DOCK11: variants seen among roughly 807,000 people sequenced by gnomAD.
The protein encoded by DOCK11 is dedicator of cytokinesis protein 11.
Under a neutral mutation model 169.1 loss-of-function variants are expected in DOCK11, and 70 were observed. That is an observed-to-expected ratio of 0.41 (90% CI 0.34 to 0.51). The LOEUF (loss-of-function observed/expected upper bound fraction) is 0.51. DOCK11 is among the 20% of genes least tolerant of loss of function. DOCK11 has a pLI of 0.10. For missense variants in DOCK11, 1,166 were observed against 1,538.8 expected (o/e 0.76, Z 4.05); for synonymous variants, 529 against 541.3 (o/e 0.98, Z 0.32).
chrX:118,507,283 G>A (rs1001240990), intron 1 of DOCK11, among the ~76,000 whole-genome samples: 4 of 112,135 alleles, frequency 3.6e-5, no homozygotes, highest in African/African-American at 1.3e-4. Flanking sequence ...GTCAAGTGTT[G>A]CTTCCAAGTC....
At chrX:118,554,532 AG>A (rs1329293513) in intron 6 of DOCK11, among the ~76,000 whole-genome samples, 2 of 111,488 alleles carry the variant, frequency 1.8e-5, no homozygotes, top group Non-Finnish European at 1.9e-5. Flanking sequence ...CCTGGGCAAC[AG>A]AGTGAGACTC....
At position 118,643,612 on chromosome X, in the gene DOCK11, G is replaced by T; in HGVS notation, c.4398+18G>T. ...TCAGTAAGGTAAGGACAGAAGCTTGGGAGCAGCCGGTGGGCTCTCTTCATT... is the reference window on the plus strand; with the variant it reads ...TCAGTAAGGTAAGGACAGAAGCTTGTGAGCAGCCGGTGGGCTCTCTTCATT... On this transcript the variant is annotated intron_variant, in intron 40 of 52. Coordinates refer to ENST00000276202, the MANE Select transcript of DOCK11 (RefSeq NM_144658.4). 8.3e-7 allele frequency: 1 copy of T among 1,206,484 alleles called. No individual in the cohort carries two copies. Among genetic ancestry groups the T allele is most frequent in the South Asian group, 1.8e-5 (1 of 56,066 alleles).
intron 10 of DOCK11, among the ~76,000 whole-genome samples, chrX:118,568,681 G>T (rs1026704745): frequency 9.2e-6 from 1 of 109,232 alleles, no homozygotes; most frequent in African/African-American, 3.3e-5. Context: ...GTGCAGGAAG[G>T]TGCAGGTTTA....
At chrX:118,620,481 T>G (rs2014944796) in intron 31 of DOCK11, among the ~76,000 whole-genome samples, 1 of 111,936 alleles carries the variant, frequency 8.9e-6, no homozygotes, top group African/African-American at 3.2e-5. Flanking sequence ...CTTGCTAGTT[T>G]TCTTCATGTG....
At chrX:118,509,860 G>T (rs753662441) in intron 1 of DOCK11, among the ~76,000 whole-genome samples, 2 of 112,108 alleles carry the variant, frequency 1.8e-5, no homozygotes, top group East Asian at 5.6e-4. Context: ...TCTAGAGGAT[G>T]CCCACATTCC....
At chrX:118,639,620 A>C in intron 38 of DOCK11, 43 bp downstream of exon 38, 1 of 1,162,701 alleles carries the variant, frequency 8.6e-7, no homozygotes, top group Non-Finnish European at 1.2e-6. Context: ...ACCTTAAAGA[A>C]GTCCTGGTTT....
rs752394701 is a variant in DOCK11, at chrX:118,589,957, G to A, written c.2047-253G>A. Among the ~76,000 whole-genome samples, 37 of 112,521 alleles carry A rather than the reference G, an allele frequency of 3.3e-4. No homozygotes were observed. The East Asian group carries it at 3.6e-3, about 11-fold the overall frequency. ...GAGTAGGCCTGTTCAGCTCCTTACT[G>A]TCAACTAGTTTGAGATCGTGTTTCT... On this transcript the variant is annotated intron_variant, in intron 18 of 52. Coordinates refer to ENST00000276202, the MANE Select transcript of DOCK11 (RefSeq NM_144658.4).
At chrX:118,633,980 G>A (rs2015318307) in intron 35 of DOCK11, 1 of 112,519 alleles carries the variant, frequency 8.9e-6, no homozygotes, top group Non-Finnish European at 1.9e-5. Context: ...AAGCCTGTAT[G>A]TTTCTGTCAT....
At chrX:118,496,146 G>C in intron 1 of DOCK11, 73 bp downstream of exon 1, 1 of 743,500 alleles carries the variant, frequency 1.3e-6, no homozygotes, top group South Asian at 5.9e-5. Context: ...GGGCAGGAAC[G>C]GCGCCAGTGC....
At chrX:118,555,526 C>A (rs1340783631) in intron 6 of DOCK11, among the ~76,000 whole-genome samples, 1 of 107,860 alleles carries the variant, frequency 9.3e-6, no homozygotes, top group African/African-American at 3.4e-5. Context: ...CACTGCACTC[C>A]ACCCTGGGCG....
intron 11 of DOCK11, among the ~76,000 whole-genome samples, chrX:118,573,517 T>A (rs2013345273): frequency 8.9e-6 from 1 of 112,627 alleles, no homozygotes; most frequent in Admixed American, 9.4e-5. Context: ...CATAGAACAA[T>A]TTGTGTTATT....
Position 118,641,303 on chromosome X carries a change from A to C in DOCK11, c.4258A>C (p.Lys1420Gln). The change falls in exon 39 of 53, where the codon AAG (lysine) becomes CAG (glutamine). Residue 1420 changes from lysine (K) to glutamine (Q), a missense_variant and splice_region_variant. Lys to Gln is a moderately conservative substitution (Grantham distance 53). Coordinates refer to ENST00000276202, the MANE Select transcript of DOCK11 (RefSeq NM_144658.4). ...DTISFFTQCF[K>Q]TQLLNNDGHN... ...CATATCATTTTTCACTCAGTGCTTC[A>C]AGGTAAAAATGAAGAGTTATAATTC... 1 of 1,164,140 alleles carries C rather than the reference A, an allele frequency of 8.6e-7. No individual in the cohort carries two copies. Among genetic ancestry groups the C allele is most frequent in the East Asian group, 3.0e-5 (1 of 33,626 alleles).
chrX:118,584,908 G>GT, intron 15 of DOCK11, 51 bp downstream of exon 15: 2 of 1,164,355 alleles, frequency 1.7e-6, no homozygotes, highest in Non-Finnish European at 2.3e-6. Flanking sequence ...TGAATCCTCA[G>GT]TTTTTTAAAA....
At chrX:118,574,557 C>G (rs1230720513) in intron 12 of DOCK11, among the ~76,000 whole-genome samples, 1 of 111,692 alleles carries the variant, frequency 9.0e-6, no homozygotes, top group Non-Finnish European at 1.9e-5. Context: ...GGCAACAGAG[C>G]AAGACTCCGT....
At chrX:118,616,555 T>G (rs1410494100) in intron 30 of DOCK11, among the ~76,000 whole-genome samples, 1 of 111,089 alleles carries the variant, frequency 9.0e-6, no homozygotes, top group Non-Finnish European at 1.9e-5. Context: ...TTTTTGTTTT[T>G]TTTTTGTGTG....
Position 118,605,551 on chromosome X carries a change from T to C in DOCK11, c.2681+195T>C, listed in dbSNP as rs145365799. On this transcript the variant is annotated intron_variant, in intron 24 of 52. Coordinates refer to ENST00000276202, the MANE Select transcript of DOCK11 (RefSeq NM_144658.4). ...CCTTTTCTTTTTTGACTCAGGAACA[T>C]GTTTAATTTCCACCTATTTTGAATT... is the stretch of plus-strand genomic sequence containing the variant. Among the ~76,000 whole-genome samples the C allele has an allele frequency of 2.8e-4, 31 of 112,522 alleles. 1 individual carries two copies. The highest frequency in any genetic ancestry group is 9.4e-4 in the African/African-American group (29 of 30,944).
chrX:118,639,409 G>A, intron 37 of DOCK11, 26 bp from the exon 38 acceptor site: 2 of 1,204,340 alleles, frequency 1.7e-6, no homozygotes, highest in South Asian at 3.6e-5. Context: ...GAGCACTCCA[G>A]TTCCTGACTT....
intron 1 of DOCK11, among the ~76,000 whole-genome samples, chrX:118,516,517 C>T (rs1603026163): frequency 1.8e-5 from 2 of 108,424 alleles, no homozygotes; most frequent in Middle Eastern, 9.4e-3. Context: ...TCTTGGCTCA[C>T]TGCATCCTTC....
chrX:118,574,572 CAAAG>C (rs1035618575), intron 12 of DOCK11, among the ~76,000 whole-genome samples: 65 of 111,665 alleles, frequency 5.8e-4, no homozygotes, highest in Middle Eastern at 4.6e-3. Flanking sequence ...CTCCGTCTCA[CAAAG>C]AAAGCTGATA....
Sources: gnomAD v4.1 joint callset for allele counts (sites outside exome capture counted in the v4.1 genomes callset) on GRCh38, gnomAD v4.1.1 for gene constraint, MANE v1.5 for transcripts, NCBI Gene and HGNC (gene_info 2026-07-23, HGNC 2026-07-21) for gene names.